ERBB4: variants seen among roughly 807,000 people sequenced by gnomAD.
The protein encoded by ERBB4 is receptor tyrosine-protein kinase erbB-4.
ERBB4 carries 42 observed loss-of-function variants against 158.0 expected under a neutral mutation model. The observed-to-expected ratio is 0.27, with a 90% CI of 0.21 to 0.34. The LOEUF (loss-of-function observed/expected upper bound fraction) is 0.34, where lower values mean the gene tolerates loss of function less well. Among genes scored for constraint, ERBB4 ranks in the 10% least tolerant of loss-of-function variants. ERBB4 has a pLI of 1.00. For synonymous variants in ERBB4, 583 were observed against 558.7 expected (o/e 1.04, Z -0.61); for missense variants, 1,333 against 1,624.1 (o/e 0.82, Z 3.08).
At chr2:212,401,724 A>AT (rs907747175) in intron 1 of ERBB4, among the ~76,000 whole-genome samples, 3 of 151,926 alleles carry the variant, frequency 2.0e-5, no homozygotes, top group African/African-American at 4.8e-5. Context: ...TTATTATATA[A>AT]TTTTTTTTAT....
chr2:211,874,084 G>C (rs1367988020), intron 3 of ERBB4, among the ~76,000 whole-genome samples: 1 of 152,080 alleles, frequency 6.6e-6, no homozygotes, highest in Non-Finnish European at 1.5e-5. Context: ...AGAATCACTT[G>C]AGGCTGGGAG....
At chr2:212,335,172 A>G (rs2088369374) in intron 1 of ERBB4, among the ~76,000 whole-genome samples, 1 of 151,952 alleles carries the variant, frequency 6.6e-6, no homozygotes, top group Non-Finnish European at 1.5e-5. Flanking sequence ...GTAGAGTCAG[A>G]GGTTATATTT....
At position 212,446,211 on chromosome 2, in the gene ERBB4, T is replaced by C. The variant is rs746583972; in HGVS notation, c.82+92238A>G. ...CAACGGTTGGACTTGTGATGGTTAA[T>C]ACTGAGTGTCAACTTGATTGGATTG... On this transcript the variant is annotated intron_variant, in intron 1 of 27. Coordinates refer to ENST00000342788, the MANE Select transcript of ERBB4 (RefSeq NM_005235.3). Among the ~76,000 whole-genome samples, 56 of 152,028 alleles carry C rather than the reference T, an allele frequency of 3.7e-4. 1 individual carries two copies. The highest frequency in any genetic ancestry group is 7.9e-4 in the Admixed American group (12 of 15,262).
At chr2:212,241,279 A>T (rs1480530011) in intron 1 of ERBB4, among the ~76,000 whole-genome samples, 1 of 138,850 alleles carries the variant, frequency 7.2e-6, no homozygotes, top group African/African-American at 3.4e-5. Flanking sequence ...ATAAAAAAAT[A>T]AAAAAAATTT....
chr2:211,524,721 G>A (rs1016948281), intron 20 of ERBB4, among the ~76,000 whole-genome samples: 1 of 149,954 alleles, frequency 6.7e-6, no homozygotes, highest in Non-Finnish European at 1.5e-5. Flanking sequence ...TGGCCCGCAA[G>A]CGCCAGGCGC....
At chr2:212,279,589 C>T (rs949267789) in intron 1 of ERBB4, among the ~76,000 whole-genome samples, 2 of 151,568 alleles carry the variant, frequency 1.3e-5, no homozygotes, top group African/African-American at 4.8e-5. Context: ...TTCATCCCAT[C>T]AATTTTTGCT....
At position 211,435,042 on chromosome 2, in the gene ERBB4, C is replaced by T. The variant is rs574705726; in HGVS notation, c.2488-3942G>A. Among the ~76,000 whole-genome samples, 3 of 152,200 alleles carry T rather than the reference C, an allele frequency of 2.0e-5. No homozygotes were observed. In the South Asian group the frequency reaches 6.2e-4, roughly 32 times the overall value. On this transcript the variant is annotated intron_variant, in intron 20 of 27. Coordinates refer to ENST00000342788, the MANE Select transcript of ERBB4 (RefSeq NM_005235.3). ...TCTTACTGGAAGCTCTCATTTGAGT[C>T]ACACTCTGTGCTAGATTCCTTCAAA... is the stretch of plus-strand genomic sequence containing the variant.
At chr2:212,319,886 C>T (rs1017363025) in intron 1 of ERBB4, among the ~76,000 whole-genome samples, 1 of 150,356 alleles carries the variant, frequency 6.7e-6, no homozygotes, top group East Asian at 2.0e-4. Flanking sequence ...AAGATAACTT[C>T]ATGTCGTTCC....
chr2:212,471,560 T>C (rs961165337), intron 1 of ERBB4, among the ~76,000 whole-genome samples: 9 of 151,938 alleles, frequency 5.9e-5, no homozygotes, highest in Admixed American at 1.3e-4. Flanking sequence ...TCCTTTCTTA[T>C]CCATCTGTGC....
chr2:212,165,082 C>G (rs981025512), intron 1 of ERBB4, among the ~76,000 whole-genome samples: 3 of 151,920 alleles, frequency 2.0e-5, no homozygotes, highest in African/African-American at 7.2e-5. Context: ...CATCCCCTCA[C>G]TAACATCCGT....
intron 3 of ERBB4, among the ~76,000 whole-genome samples, chr2:211,875,354 T>C (rs1293921317): frequency 6.6e-6 from 1 of 152,172 alleles, no homozygotes; most frequent in Admixed American, 6.5e-5. Flanking sequence ...GTCTTTAGCT[T>C]TCCCTGTTTT....
At chr2:211,428,243 A>AAAATAAAATT (rs1553530918) in intron 22 of ERBB4, among the ~76,000 whole-genome samples, 165 bp downstream of exon 22, 1 of 147,724 alleles carries the variant, frequency 6.8e-6, no homozygotes, top group Non-Finnish European at 1.5e-5. Flanking sequence ...AAAATAAAAT[A>AAAATAAAATT]TTTTTTTTTC....
chr2:211,610,315 T>C (rs1239175143), intron 19 of ERBB4, among the ~76,000 whole-genome samples: 1 of 152,180 alleles, frequency 6.6e-6, no homozygotes, highest in Non-Finnish European at 1.5e-5. Context: ...AATTACTTCA[T>C]GCCATATAAT....
intron 20 of ERBB4, among the ~76,000 whole-genome samples, chr2:211,539,565 A>G (rs1468058556): frequency 6.6e-6 from 1 of 151,998 alleles, no homozygotes; most frequent in East Asian, 1.9e-4. Context: ...CATAAATGTC[A>G]TTCACACACC....
chr2:211,665,266 A>T (rs1041003154), intron 15 of ERBB4, 57 bp downstream of exon 15: 1 of 1,550,690 alleles, frequency 6.4e-7, no homozygotes, highest in Non-Finnish European at 8.9e-7. Flanking sequence ...TACCAGGGAT[A>T]AAGATACATG....
At chr2:212,298,228 C>T (rs1359033715) in intron 1 of ERBB4, among the ~76,000 whole-genome samples, 2 of 151,550 alleles carry the variant, frequency 1.3e-5, no homozygotes, top group African/African-American at 4.8e-5. Flanking sequence ...CAATCATATT[C>T]TATACCATCT....
At chr2:212,336,238 G>C (rs1288354716) in intron 1 of ERBB4, among the ~76,000 whole-genome samples, 1 of 151,850 alleles carries the variant, frequency 6.6e-6, no homozygotes, top group East Asian at 1.9e-4. Flanking sequence ...GACTTGACTT[G>C]GTTTCTAACT....
rs1553630145 is a variant in ERBB4, at chr2:211,772,955, A to ATATATTTTTTT, written c.556+15069_556+15070insAAAAAAATATA. Among the ~76,000 whole-genome samples, 20 of 83,296 alleles carry ATATATTTTTTT rather than the reference A, an allele frequency of 2.4e-4. 1 individual carries two copies. In the East Asian group the frequency reaches 2.5e-3, roughly 10 times the overall value. 54.6% of individuals were successfully genotyped at this position (83,296 alleles called of 152,430 possible). ...TATATATATATATATATATATATAT[A>ATATATTTTTTT]TTTTTTTTTTTAAAGATGGGGTCCT... On this transcript the variant is annotated intron_variant, in intron 4 of 27. Coordinates refer to ENST00000342788, the MANE Select transcript of ERBB4 (RefSeq NM_005235.3).
intron 20 of ERBB4, among the ~76,000 whole-genome samples, chr2:211,487,160 C>T (rs9941563): frequency 7.9e-6 from 1 of 126,514 alleles, no homozygotes; most frequent in African/African-American, 3.0e-5. Context: ...CCCCACCCCA[C>T]AACAGGCCCA....
Sources: gnomAD v4.1 joint callset for allele counts (sites outside exome capture counted in the v4.1 genomes callset) on GRCh38, gnomAD v4.1.1 for gene constraint, MANE v1.5 for transcripts, NCBI Gene and HGNC (gene_info 2026-07-23, HGNC 2026-07-21) for gene names.